EXOC4: variants seen among roughly 807,000 people sequenced by gnomAD.
The protein encoded by EXOC4 is SEC8-like 1.
EXOC4 carries 71 observed loss-of-function variants against 107.2 expected under a neutral mutation model. The observed-to-expected ratio is 0.66, with a 90% CI of 0.55 to 0.81. The LOEUF is 0.81. Ranked by LOEUF, EXOC4 falls within the 30% of genes least tolerant of loss-of-function variation. EXOC4 has a pLI of 0.00. For synonymous variants in EXOC4, 456 were observed against 441.2 expected (o/e 1.03, Z -0.42); for missense variants, 1,108 against 1,189.6 (o/e 0.93, Z 1.01).
At chr7:133,676,113 GTCAT>G (rs1304318011) in intron 10 of EXOC4, among the ~76,000 whole-genome samples, 1 of 152,064 alleles carries the variant, frequency 6.6e-6, no homozygotes, top group South Asian at 2.1e-4. Context: ...GAGAATTGCA[GTCAT>G]TCATTCATTC....
chr7:133,771,430 G>A (rs990349831), intron 10 of EXOC4: 17 of 151,902 alleles, frequency 1.1e-4, no homozygotes, highest in Non-Finnish European at 2.5e-4. Context: ...CTAGTTAGAG[G>A]ACATCAGTAA....
intron 10 of EXOC4, among the ~76,000 whole-genome samples, chr7:133,704,240 A>G (rs1277540426): frequency 1.3e-5 from 2 of 152,166 alleles, no homozygotes; most frequent in East Asian, 1.9e-4. Context: ...GTGAGCCACC[A>G]TGGCCATCCC....
chr7:133,757,143 G>A (rs1795935644), intron 10 of EXOC4, among the ~76,000 whole-genome samples: 2 of 152,168 alleles, frequency 1.3e-5, no homozygotes, highest in African/African-American at 4.8e-5. Flanking sequence ...TACCGAAGAT[G>A]CCATCCTTTT....
intron 10 of EXOC4, among the ~76,000 whole-genome samples, chr7:133,799,365 T>C (rs1796884674): frequency 6.6e-6 from 1 of 152,212 alleles, no homozygotes; most frequent in African/African-American, 2.4e-5. Flanking sequence ...GGTGCCTCCC[T>C]GTCCTGCATA....
intron 10 of EXOC4, among the ~76,000 whole-genome samples, chr7:133,657,570 C>T (rs1353454318): frequency 1.3e-5 from 2 of 152,078 alleles, no homozygotes; most frequent in East Asian, 3.9e-4. Context: ...CAGAGTTGTA[C>T]TGTTATGTTA....
At chr7:133,548,677 A>G (rs564201199) in intron 9 of EXOC4, among the ~76,000 whole-genome samples, 48 of 152,318 alleles carry the variant, frequency 3.2e-4, no homozygotes, top group African/African-American at 9.4e-4. Flanking sequence ...GTTAGCTTCA[A>G]GCTTTTCTTC....
At chr7:133,528,935 G>A (rs966632339) in intron 9 of EXOC4, among the ~76,000 whole-genome samples, 2 of 152,080 alleles carry the variant, frequency 1.3e-5, no homozygotes, top group Non-Finnish European at 2.9e-5. Flanking sequence ...CTGGAGTTTT[G>A]TATATGGATA....
intron 14 of EXOC4, among the ~76,000 whole-genome samples, chr7:133,954,598 G>C (rs1240525654): frequency 1.3e-5 from 2 of 152,248 alleles, no homozygotes; most frequent in Non-Finnish European, 2.9e-5. Flanking sequence ...GGAAATTGTT[G>C]TGTTACTGGA....
chr7:133,590,400 A>G (rs1246864795), intron 9 of EXOC4, among the ~76,000 whole-genome samples: 1 of 152,126 alleles, frequency 6.6e-6, no homozygotes, highest in Non-Finnish European at 1.5e-5. Context: ...AATACTGGGT[A>G]GAAAACGGCA....
chr7:134,073,533 C>T, the EXOC4 span, among the ~76,000 whole-genome samples: 4 of 152,178 alleles, frequency 2.6e-5, no homozygotes, highest in South Asian at 4.1e-4. Context: ...CCTTCACAGA[C>T]GTAATGGCCT....
rs1001470413 is a variant in EXOC4 at position 133,822,300 on chromosome 7, G to A, written c.1734+4756G>A. Among the ~76,000 whole-genome samples the A allele has an allele frequency of 4.6e-5, 7 of 152,046 alleles. 1 individual carries two copies. The highest frequency in any genetic ancestry group is 1.7e-4 in the African/African-American group (7 of 41,368). ...ATTCCTTAAACATGAGGAGACAGACGGAACTGATTCAGTTCATTTCCCTGG... is the reference window on the plus strand; with the variant it reads ...ATTCCTTAAACATGAGGAGACAGACAGAACTGATTCAGTTCATTTCCCTGG... On this transcript the variant is annotated intron_variant, in intron 11 of 17. Transcript: ENST00000253861.
chr7:133,343,626 C>G (rs897846740), intron 5 of EXOC4, among the ~76,000 whole-genome samples: 12 of 146,972 alleles, frequency 8.2e-5, no homozygotes, highest in Non-Finnish European at 1.3e-4. Flanking sequence ...TCATCACTTT[C>G]TTCTCACTCG....
chr7:134,095,485 G>A, the EXOC4 span, among the ~76,000 whole-genome samples: 1 of 152,000 alleles, frequency 6.6e-6, no homozygotes, highest in Admixed American at 6.6e-5. Context: ...AAATTCATAT[G>A]GAACCATAAA....
At chr7:133,335,437 A>G (rs1245341978) in intron 5 of EXOC4, among the ~76,000 whole-genome samples, 2 of 152,190 alleles carry the variant, frequency 1.3e-5, no homozygotes, top group East Asian at 3.8e-4. Context: ...GATACCTCAT[A>G]TAAGTGGAAT....
chr7:133,415,107 C>T (rs1797445528), intron 7 of EXOC4, among the ~76,000 whole-genome samples: 1 of 152,098 alleles, frequency 6.6e-6, no homozygotes, highest in Non-Finnish European at 1.5e-5. Context: ...TAGCATGTAT[C>T]AGTACTTCTT....
chr7:133,446,803 C>T (rs765619022), intron 7 of EXOC4, among the ~76,000 whole-genome samples: 4 of 152,156 alleles, frequency 2.6e-5, no homozygotes, highest in Non-Finnish European at 4.4e-5. Flanking sequence ...GCTTTTTTCA[C>T]GAGTAGAAAT....
chr7:133,922,987 GTT>G (rs5887651), intron 13 of EXOC4, among the ~76,000 whole-genome samples: 4 of 148,860 alleles, frequency 2.7e-5, no homozygotes, highest in African/African-American at 7.4e-5. Flanking sequence ...AATATCCTGG[GTT>G]TTTTTTTTTG....
chr7:133,788,606 C>T (rs560497677), intron 10 of EXOC4, among the ~76,000 whole-genome samples: 43 of 152,178 alleles, frequency 2.8e-4, no homozygotes, highest in African/African-American at 9.6e-4. Flanking sequence ...AATTCTCCTG[C>T]CTCAGCCTCC....
Position 133,870,087 on chromosome 7 carries a change from A to G in EXOC4, c.1735-25512A>G, listed in dbSNP as rs548249511. Among the ~76,000 whole-genome samples the G allele has an allele frequency of 1.2e-4, 18 of 152,332 alleles. No individual in the cohort carries two copies. The South Asian group carries it at 3.5e-3, about 30-fold the overall frequency. On this transcript the variant is annotated intron_variant, in intron 11 of 17. Coordinates refer to ENST00000253861, the MANE Select transcript of EXOC4 (RefSeq NM_021807.4). ...ATAAGTACTTTATAAGTAAAATTCT[A>G]TACTGTGCTATATCTAGTGAAGGTT...
Sources: gnomAD v4.1 joint callset for allele counts (sites outside exome capture counted in the v4.1 genomes callset) on GRCh38, gnomAD v4.1.1 for gene constraint, MANE v1.5 for transcripts, NCBI Gene and HGNC (gene_info 2026-07-23, HGNC 2026-07-21) for gene names.